The following KDM4C variants were observed in gnomAD, a reference collection of about 807,000 sequenced individuals.
KDM4C encodes lysine demethylase 4C.
A neutral mutation model predicts 129.3 loss-of-function variants in KDM4C; 81 were observed. The ratio of observed to expected loss-of-function variants is 0.63; its 90% CI spans 0.52 to 0.75. The LOEUF is 0.75. Ranked by LOEUF, KDM4C falls within the 30% of genes least tolerant of loss-of-function variation. KDM4C has a pLI of 0.00. For synonymous variants in KDM4C, 573 were observed against 456.1 expected, an observed-to-expected ratio of 1.26 and a Z score of -3.26; for missense variants, 1,457 against 1,304.0, an observed-to-expected ratio of 1.12 and a Z score of -1.81.
intron 1 of KDM4C, among the ~76,000 whole-genome samples, chr9:6,766,748 G>A (rs777647578): frequency 6.6e-6 from 1 of 151,910 alleles, no homozygotes; most frequent in Non-Finnish European, 1.5e-5. Context: ...GGCCCCAGCT[G>A]ATGGGTAGTG....
At chr9:7,141,238 G>A (rs1336522063) in intron 19 of KDM4C, among the ~76,000 whole-genome samples, 1 of 152,132 alleles carries the variant, frequency 6.6e-6, no homozygotes, top group African/African-American at 2.4e-5. Flanking sequence ...TTCTGGTTAG[G>A]CCAGTAGAAC....
intron 1 of KDM4C, among the ~76,000 whole-genome samples, chr9:6,742,966 G>T (rs966526749): frequency 1.3e-5 from 2 of 152,032 alleles, no homozygotes; most frequent in Non-Finnish European, 2.9e-5. Flanking sequence ...AGCCAAGATT[G>T]TGCCATTGCA....
At chr9:6,900,775 A>G (rs904571699) in intron 8 of KDM4C, among the ~76,000 whole-genome samples, 1 of 152,208 alleles carries the variant, frequency 6.6e-6, no homozygotes, top group African/African-American at 2.4e-5. Flanking sequence ...TTAAGGCGGT[A>G]GGGGTGAGAG....
chr9:7,068,686 C>CTTTTTTTTTT lies in KDM4C; in HGVS notation c.2424+19504_2424+19513dup, dbSNP rs542039227. 4.3e-4 allele frequency among the ~76,000 whole-genome samples: 44 copies of CTTTTTTTTTT among 101,748 alleles called. 1 individual carries two copies. The highest frequency in any genetic ancestry group is 1.6e-3 in the African/African-American group (41 of 25,924). 66.8% of individuals were successfully genotyped at this position (101,748 alleles called of 152,430 possible). ...TTCATACATGTTTATGATGCCCTTT[C>CTTTTTTTTTT]TTTTTTTTTTTTTTTTTTTTTTTTT... On this transcript the variant is annotated intron_variant, in intron 17 of 21. Transcript: ENST00000381309.
At chr9:7,046,339 C>G (rs1162064143) in intron 15 of KDM4C, among the ~76,000 whole-genome samples, 1 of 151,816 alleles carries the variant, frequency 6.6e-6, no homozygotes, top group Non-Finnish European at 1.5e-5. Flanking sequence ...TATTTGCCCA[C>G]AGAAAGAGTG....
chr9:7,160,762 C>G (rs904138966), intron 19 of KDM4C, among the ~76,000 whole-genome samples: 29 of 152,340 alleles, frequency 1.9e-4, no homozygotes, highest in African/African-American at 6.7e-4. Flanking sequence ...TGGGAGTTGT[C>G]TCCCAGTTAG....
chr9:7,166,806 A>G (rs1034442103), intron 20 of KDM4C, among the ~76,000 whole-genome samples: 2 of 152,218 alleles, frequency 1.3e-5, no homozygotes, highest in Admixed American at 1.3e-4. Context: ...CTTCAGTTGA[A>G]TTTATGATGG....
At chr9:6,787,740 G>T (rs1395345841) in intron 1 of KDM4C, among the ~76,000 whole-genome samples, 3 of 152,134 alleles carry the variant, frequency 2.0e-5, no homozygotes, top group African/African-American at 7.2e-5. Flanking sequence ...TGTCCTTTTT[G>T]ACACAAGAGC....
At chr9:7,146,959 T>C (rs1472037667) in intron 19 of KDM4C, among the ~76,000 whole-genome samples, 3 of 152,226 alleles carry the variant, frequency 2.0e-5, no homozygotes, top group Non-Finnish European at 4.4e-5. Flanking sequence ...CCCAAGGGTT[T>C]TGTCTCCTCC....
intron 4 of KDM4C, among the ~76,000 whole-genome samples, chr9:6,829,511 A>G (rs1289478594): frequency 1.3e-5 from 2 of 152,176 alleles, no homozygotes; most frequent in Non-Finnish European, 2.9e-5. Flanking sequence ...AGCTGGAAAA[A>G]ACTTTGGAGA....
intron 1 of KDM4C, chr9:6,726,460 G>C (rs1329691478): frequency 6.6e-6 from 1 of 152,220 alleles, no homozygotes; most frequent in African/African-American, 2.4e-5. Context: ...GACACATCTG[G>C]CTATCACCAG....
chr9:7,164,166 A>C (rs1439509780), intron 19 of KDM4C, among the ~76,000 whole-genome samples: 1 of 152,234 alleles, frequency 6.6e-6, no homozygotes, highest in African/African-American at 2.4e-5. Flanking sequence ...GTAAAATACC[A>C]GTATTAGCAA....
rs193300827 is a variant in KDM4C at position 6,854,618 on chromosome 9, A to G, written c.629+4918A>G. 3.7e-3 allele frequency among the ~76,000 whole-genome samples: 560 copies of G among 151,968 alleles called. 1 individual carries two copies. Among genetic ancestry groups the G allele is most frequent in the African/African-American group, 0.013 (540 of 41,476 alleles). On this transcript the variant is annotated intron_variant, in intron 5 of 21. Coordinates refer to ENST00000381309, the MANE Select transcript of KDM4C (RefSeq NM_015061.6). ...ATAAGGTGTAAGAGGATGTGTTTTAAGCTGTGAAAAGGTCTAAAATCAGGA... is the reference window on the plus strand; with the variant it reads ...ATAAGGTGTAAGAGGATGTGTTTTAGGCTGTGAAAAGGTCTAAAATCAGGA...
intron 8 of KDM4C, among the ~76,000 whole-genome samples, chr9:6,954,010 G>T (rs560569999): frequency 6.6e-6 from 1 of 152,156 alleles, no homozygotes; most frequent in African/African-American, 2.4e-5. Context: ...GCTGTCGGGG[G>T]TCAGCAAACC....
rs527735027 is a variant in KDM4C, at chr9:6,890,763, TA to T, written c.784-2331del. On this transcript the variant is annotated intron_variant, in intron 7 of 21. Coordinates refer to ENST00000381309, the MANE Select transcript of KDM4C (RefSeq NM_015061.6). The stretch of plus-strand genomic sequence containing the variant: ...GCAGTCCTCCCTCTCCTCTCACCTT[TA>T]TGTGGGAGCAGGGTGAGTTTTGTTT... Among the ~76,000 whole-genome samples the T allele has an allele frequency of 2.9e-4, 44 of 152,312 alleles. No homozygotes were observed. The South Asian group carries it at 8.9e-3, about 31-fold the overall frequency.
intron 21 of KDM4C, among the ~76,000 whole-genome samples, chr9:7,173,095 A>C (rs541197467): frequency 6.6e-6 from 1 of 152,260 alleles, no homozygotes; most frequent in East Asian, 1.9e-4. Context: ...AATTGGGTAC[A>C]CAGTCCCTAA....
At chr9:6,818,360 A>G (rs781038822) in intron 4 of KDM4C, among the ~76,000 whole-genome samples, 1 of 152,164 alleles carries the variant, frequency 6.6e-6, no homozygotes, top group Non-Finnish European at 1.5e-5. Flanking sequence ...TTCTTTAGCA[A>G]TAATAAATTT....
At chr9:6,825,802 T>C (rs1397123206) in intron 4 of KDM4C, among the ~76,000 whole-genome samples, 1 of 152,242 alleles carries the variant, frequency 6.6e-6, no homozygotes, top group Non-Finnish European at 1.5e-5. Flanking sequence ...GGCAAATCTT[T>C]TTTTTATTTA....
chr9:6,798,522 C>T (rs1250521777), intron 2 of KDM4C, among the ~76,000 whole-genome samples: 4 of 152,060 alleles, frequency 2.6e-5, no homozygotes, highest in African/African-American at 7.2e-5. Context: ...CCTGAGTGGA[C>T]ACAGCACATG....
Sources: gnomAD v4.1 joint callset for allele counts (sites outside exome capture counted in the v4.1 genomes callset) on GRCh38, gnomAD v4.1.1 for gene constraint, MANE v1.5 for transcripts, NCBI Gene and HGNC (gene_info 2026-07-23, HGNC 2026-07-21) for gene names.